Variants in STXBP5L observed in about 807,000 individuals in gnomAD.
The protein encoded by STXBP5L is syntaxin-binding protein 5-like.
Under a neutral mutation model 144.5 loss-of-function variants are expected in STXBP5L, and 65 were observed. That is an observed-to-expected ratio of 0.45 (90% CI 0.37 to 0.55). The LOEUF (loss-of-function observed/expected upper bound fraction) is 0.55, where lower values mean the gene tolerates loss of function less well. Among genes scored for constraint, STXBP5L ranks in the 20% least tolerant of loss-of-function variants. The probability of loss-of-function intolerance (pLI) is 0.00; values close to 1 mark genes in which losing one functional copy is unlikely to be tolerated. For synonymous variants in STXBP5L, 505 were observed against 469.6 expected (o/e 1.08, Z -0.97); for missense variants, 1,298 against 1,405.5 (o/e 0.92, Z 1.22).
chr3:120,959,214 A>C (rs1412750360), intron 3 of STXBP5L, among the ~76,000 whole-genome samples: 1 of 152,216 alleles, frequency 6.6e-6, no homozygotes, highest in African/African-American at 2.4e-5. Flanking sequence ...GGACCTCTTC[A>C]AGGAGAACTA....
At chr3:121,011,605 A>T (rs1039631671) in intron 3 of STXBP5L, among the ~76,000 whole-genome samples, 1 of 151,744 alleles carries the variant, frequency 6.6e-6, no homozygotes, top group Admixed American at 6.6e-5. Flanking sequence ...GCTGTAACAA[A>T]GTCTAAGAAA....
chr3:120,944,906 A>G (rs150956597), intron 2 of STXBP5L, among the ~76,000 whole-genome samples: 93 of 151,936 alleles, frequency 6.1e-4, no homozygotes, highest in African/African-American at 2.2e-3. Flanking sequence ...AAGAGCTGTG[A>G]ACATACACAC....
chr3:121,098,453 C>T (rs2043242484), intron 5 of STXBP5L, among the ~76,000 whole-genome samples: 1 of 152,124 alleles, frequency 6.6e-6, no homozygotes, highest in Non-Finnish European at 1.5e-5. Context: ...AGTACCATGC[C>T]ATGGTGGTGC....
intron 5 of STXBP5L, among the ~76,000 whole-genome samples, chr3:121,105,518 T>C (rs572430358): frequency 6.6e-6 from 1 of 152,254 alleles, no homozygotes; most frequent in East Asian, 1.9e-4. Flanking sequence ...GCCACCTTAC[T>C]CCTGCAATAA....
At chr3:121,177,965 A>G (rs888901981) in intron 9 of STXBP5L, among the ~76,000 whole-genome samples, 1 of 152,196 alleles carries the variant, frequency 6.6e-6, no homozygotes, top group Non-Finnish European at 1.5e-5. Flanking sequence ...GGAAATTCTG[A>G]ACATGCTACA....
At chr3:121,302,726 A>T (rs1263321274) in intron 19 of STXBP5L, among the ~76,000 whole-genome samples, 2 of 152,144 alleles carry the variant, frequency 1.3e-5, no homozygotes, top group Admixed American at 1.3e-4. Flanking sequence ...AAATAATGCC[A>T]CCTGTCTACA....
chr3:120,996,864 G>A (rs149352223), intron 3 of STXBP5L, among the ~76,000 whole-genome samples: 1 of 152,224 alleles, frequency 6.6e-6, no homozygotes, highest in East Asian at 1.9e-4. Flanking sequence ...TGGGTAAATT[G>A]CATGTCATGG....
intron 3 of STXBP5L, among the ~76,000 whole-genome samples, chr3:120,993,888 A>C (rs1943130212): frequency 6.6e-6 from 1 of 151,950 alleles, no homozygotes; most frequent in South Asian, 2.1e-4. Context: ...GGCTTTGGGT[A>C]GTATGGTCAT....
intron 3 of STXBP5L, among the ~76,000 whole-genome samples, chr3:120,978,265 A>T (rs1299375637): frequency 6.6e-6 from 1 of 151,832 alleles, no homozygotes; most frequent in African/African-American, 2.4e-5. Context: ...TTTTTCTCTA[A>T]ACTTCCCTTC....
In STXBP5L at chr3:120,932,459, G is replaced by T. The variant is rs190149650; in HGVS notation, c.190-22481G>T. The stretch of plus-strand genomic sequence containing the variant: ...AGTAGCTTTTATTTTTCTGAGAGTA[G>T]TTCAACCCAGCAAATCGCTTTAGTA... On this transcript the variant is annotated intron_variant, in intron 2 of 26. Coordinates refer to ENST00000471454, the MANE Select transcript of STXBP5L (RefSeq NM_001308330.2). Among the ~76,000 whole-genome samples, 644 of 152,270 alleles carry T rather than the reference G, an allele frequency of 4.2e-3. 2 individuals carry two copies. The highest frequency in any genetic ancestry group is 7.9e-3 in the Non-Finnish European group (537 of 67,996).
chr3:121,393,066 C>T (rs2046635467), intron 22 of STXBP5L, among the ~76,000 whole-genome samples: 1 of 151,818 alleles, frequency 6.6e-6, no homozygotes, highest in Admixed American at 6.6e-5. Flanking sequence ...TAAGCGTTCC[C>T]TTTTCTCTGC....
chr3:121,122,169 G>A (rs976669126), intron 7 of STXBP5L, among the ~76,000 whole-genome samples: 14 of 150,524 alleles, frequency 9.3e-5, no homozygotes, highest in Non-Finnish European at 1.5e-4. Flanking sequence ...TTCATAATTT[G>A]CCTTTGATGG....
rs57483601 is a variant in STXBP5L at position 120,965,298 on chromosome 3, A to G, written c.287+10261A>G. 2.5e-3 allele frequency among the ~76,000 whole-genome samples: 380 copies of G among 152,270 alleles called. 2 individuals carry two copies. The highest frequency in any genetic ancestry group is 8.6e-3 in the African/African-American group (357 of 41,568). On this transcript the variant is annotated intron_variant, in intron 3 of 26. Coordinates refer to ENST00000471454, the MANE Select transcript of STXBP5L (RefSeq NM_001308330.2). ...ATTTACATTTAAGGTTAATACTGTTATCTGTGAATTTGATTCTGTCATGAT... is the reference window on the plus strand; with the variant it reads ...ATTTACATTTAAGGTTAATACTGTTGTCTGTGAATTTGATTCTGTCATGAT...
chr3:121,034,557 C>T (rs796447009), intron 3 of STXBP5L, among the ~76,000 whole-genome samples: 18 of 123,904 alleles, frequency 1.5e-4, no homozygotes, highest in Admixed American at 4.1e-4. Context: ...TCTATCTATC[C>T]ATCCATCCAT....
chr3:121,322,567 C>A (rs2044009270), intron 20 of STXBP5L, among the ~76,000 whole-genome samples: 1 of 151,446 alleles, frequency 6.6e-6, no homozygotes, highest in South Asian at 2.1e-4. Context: ...ATCCAATCCA[C>A]TGTTGATGGG....
intron 10 of STXBP5L, among the ~76,000 whole-genome samples, chr3:121,214,667 G>A (rs542121958): frequency 5.5e-4 from 83 of 152,284 alleles, no homozygotes; most frequent in Middle Eastern, 3.4e-3. Flanking sequence ...GCACTGAGAA[G>A]AATGTATATT....
At chr3:120,954,181 T>C (rs1937763780) in intron 2 of STXBP5L, among the ~76,000 whole-genome samples, 1 of 152,156 alleles carries the variant, frequency 6.6e-6, no homozygotes, top group South Asian at 2.1e-4. Context: ...ATACATAACA[T>C]TGAATAGATT....
At chr3:121,128,088 G>A (rs1486376703) in intron 7 of STXBP5L, among the ~76,000 whole-genome samples, 1 of 152,078 alleles carries the variant, frequency 6.6e-6, no homozygotes, top group African/African-American at 2.4e-5. Context: ...CAAAGGAATT[G>A]AGGATATGAC....
chr3:120,964,367 A>G (rs1392761087), intron 3 of STXBP5L, among the ~76,000 whole-genome samples: 2 of 152,008 alleles, frequency 1.3e-5, no homozygotes. Context: ...TGTGATGTTA[A>G]GGTGTCGATT....
Sources: allele counts gnomAD v4.1 joint callset (sites outside exome capture counted in the v4.1 genomes callset), GRCh38; gene constraint gnomAD v4.1.1; transcripts MANE v1.5; gene names NCBI Gene and HGNC (gene_info 2026-07-23, HGNC 2026-07-21).